DLGAP3: variants seen among roughly 807,000 people sequenced by gnomAD.
DLGAP3 encodes the protein DLG associated protein 3, also known as disks large-associated protein 3.
DLGAP3 carries 17 observed loss-of-function variants against 81.2 expected under a neutral mutation model. The observed-to-expected ratio is 0.21, with a 90% CI of 0.14 to 0.31. The LOEUF is 0.31. DLGAP3 is among the 10% of genes least tolerant of loss of function. DLGAP3 has a pLI of 1.00. For synonymous variants in DLGAP3, 577 were observed against 587.4 expected (o/e 0.98, Z 0.26); for missense variants, 1,124 against 1,388.0 (o/e 0.81, Z 3.02).
chr1:34,880,324 T>A (rs1430485506), intron 8 of DLGAP3, among the ~76,000 whole-genome samples: 5 of 152,200 alleles, frequency 3.3e-5, no homozygotes, highest in African/African-American at 1.2e-4. Flanking sequence ...GTACTGGGAC[T>A]ATAGGTATGA....
rs534168622 is a variant in DLGAP3 at position 34,911,627 on chromosome 1, T to C, written c.-134-4190A>G. On this transcript the variant is annotated intron_variant, in intron 1 of 11. Transcript: ENST00000373347. Reference sequence around the variant, plus strand: ...TCTTCTCTGATGCAGCTCGAATCTATCTGGGAATGGAAGAAGTGGCACAGA... The same window carrying C: ...TCTTCTCTGATGCAGCTCGAATCTACCTGGGAATGGAAGAAGTGGCACAGA... 3.3e-5 allele frequency among the ~76,000 whole-genome samples: 5 copies of C among 152,260 alleles called. No individual in the cohort carries two copies. The East Asian group carries it at 5.8e-4, about 18-fold the overall frequency.
At chr1:34,906,110 AT>A (rs1639552090) in intron 2 of DLGAP3, among the ~76,000 whole-genome samples, 1 of 146,254 alleles carries the variant, frequency 6.8e-6, no homozygotes, top group Non-Finnish European at 1.5e-5. Context: ...ACACATAGAA[AT>A]ATTTTTATAT....
intron 1 of DLGAP3, among the ~76,000 whole-genome samples, chr1:34,909,693 T>A (rs954074405): frequency 1.3e-5 from 2 of 152,140 alleles, no homozygotes; most frequent in African/African-American, 4.8e-5. Context: ...CTATATATTA[T>A]GCTTTATGAT....
In DLGAP3 at chr1:34,899,087, C is replaced by CT. The variant is rs58075518; in HGVS notation, c.1386+581dup. Among the ~76,000 whole-genome samples the CT allele has an allele frequency of 4.3e-3, 605 of 142,092 alleles. 2 individuals carry two copies. Among genetic ancestry groups the CT allele is most frequent in the African/African-American group, 0.013 (483 of 37,640 alleles). The allele number at this position is 142,092 out of a possible 152,430, so 93.2% of individuals were successfully genotyped here. On this transcript the variant is annotated intron_variant, in intron 5 of 11. Coordinates refer to ENST00000373347, the MANE Select transcript of DLGAP3 (RefSeq NM_001080418.3). ...GCCCTGTCTGTACAAATCAATTCTA[C>CT]TTTTTTTTTTTTTTTTTTTTAAGAC... is the stretch of plus-strand genomic sequence containing the variant.
chr1:34,913,603 C>A (rs1023012540), intron 1 of DLGAP3, among the ~76,000 whole-genome samples: 1 of 152,174 alleles, frequency 6.6e-6, no homozygotes, highest in Non-Finnish European at 1.5e-5. Context: ...TATAGTATGT[C>A]TCCCCATAGT....
chr1:34,899,371 C>T lies in DLGAP3; in HGVS notation c.1386+298G>A, dbSNP rs1569636277. On this transcript the variant is annotated intron_variant, in intron 5 of 11. Coordinates refer to ENST00000373347, the MANE Select transcript of DLGAP3 (RefSeq NM_001080418.3). ...GCGAGAGCCACTGCACCCGGCCAAT[C>T]CTACCTTTTACATGGGGGCAAGGAG... Among the ~76,000 whole-genome samples, 3 of 152,192 alleles carry T rather than the reference C, an allele frequency of 2.0e-5. No homozygotes were observed. The East Asian group carries it at 5.8e-4, about 29-fold the overall frequency.
At chr1:34,927,539 G>T (rs561790342) in intron 1 of DLGAP3, among the ~76,000 whole-genome samples, 5 of 152,208 alleles carry the variant, frequency 3.3e-5, no homozygotes, top group Admixed American at 6.5e-5. Context: ...GTGGGGCAGT[G>T]GCGGGTGGGA....
At chr1:34,897,997 G>A (rs1639403036) in intron 5 of DLGAP3, among the ~76,000 whole-genome samples, 1 of 152,220 alleles carries the variant, frequency 6.6e-6, no homozygotes, top group Admixed American at 6.5e-5. Context: ...GGCAGCCAGG[G>A]GCGGGAGGGG....
chr1:34,891,614 T>A (rs1390439261), intron 5 of DLGAP3, among the ~76,000 whole-genome samples: 2 of 152,060 alleles, frequency 1.3e-5, no homozygotes, highest in East Asian at 3.9e-4. Flanking sequence ...AATAAAAGAG[T>A]CTGGTGAAGA....
At chr1:34,881,311 C>T (rs914716657) in intron 8 of DLGAP3, among the ~76,000 whole-genome samples, 17 of 152,322 alleles carry the variant, frequency 1.1e-4, no homozygotes, top group African/African-American at 4.1e-4. Flanking sequence ...GTAGTTTACA[C>T]CCTCCACATT....
chr1:34,900,831 T>C lies in DLGAP3; in HGVS notation c.1108-558A>G, dbSNP rs1322685064. Among the ~76,000 whole-genome samples the C allele has an allele frequency of 6.6e-6, 1 of 152,064 alleles. No individual in the cohort carries two copies. The highest frequency in any genetic ancestry group is 1.9e-4 in the East Asian group (1 of 5,180). On this transcript the variant is annotated intron_variant, in intron 3 of 11. Transcript: ENST00000373347. The surrounding 1 kb of genome is among the most constrained non-coding windows in gnomAD (Gnocchi z 5.6). ...AGAGGACGACCAATTAGGAGGCTGA[T>C]GCTGTTATCCAGGCAAGAGATGATG...
Position 34,881,933 on chromosome 1 carries a change from A to T in DLGAP3, c.2000+3045T>A, listed in dbSNP as rs150342055. Among the ~76,000 whole-genome samples, 778 of 152,368 alleles carry T rather than the reference A, an allele frequency of 5.1e-3. 9 individuals carry two copies. The highest frequency in any genetic ancestry group is 0.018 in the African/African-American group (745 of 41,584). On this transcript the variant is annotated intron_variant, in intron 8 of 11. Coordinates refer to ENST00000373347, the MANE Select transcript of DLGAP3 (RefSeq NM_001080418.3). ...TGGTATCCATCAAAATTTGTAGCAA[A>T]CATCATCTTGAAAAACATAGCCACT...
chr1:34,923,504 C>A (rs1639825744), intron 1 of DLGAP3, among the ~76,000 whole-genome samples: 1 of 152,054 alleles, frequency 6.6e-6, no homozygotes, highest in Middle Eastern at 3.2e-3. Flanking sequence ...AACAGTGGAT[C>A]AGGAAGAGCA....
chr1:34,892,653 G>C (rs1297671111), intron 5 of DLGAP3, among the ~76,000 whole-genome samples: 1 of 151,672 alleles, frequency 6.6e-6, no homozygotes, highest in Non-Finnish European at 1.5e-5. Flanking sequence ...AAGTGGCTAG[G>C]GCTACAGGTG....
intron 5 of DLGAP3, among the ~76,000 whole-genome samples, chr1:34,890,611 A>G (rs1277188360): frequency 6.6e-6 from 1 of 152,230 alleles, no homozygotes; most frequent in Non-Finnish European, 1.5e-5. Flanking sequence ...TGCTGTGAGT[A>G]GCCCTGTAGT....
At chr1:34,908,002 G>A (rs185566496) in intron 1 of DLGAP3, among the ~76,000 whole-genome samples, 2 of 152,280 alleles carry the variant, frequency 1.3e-5, no homozygotes, top group Admixed American at 6.5e-5. Flanking sequence ...AAGACTTTCT[G>A]TGCTCTTATT....
intron 6 of DLGAP3, 113 bp downstream of exon 6, chr1:34,885,959 C>G: frequency 8.1e-7 from 1 of 1,239,248 alleles, no homozygotes; most frequent in Non-Finnish European, 1.1e-6. Flanking sequence ...GTCATCCGAC[C>G]CCGGGAGCGA....
At chr1:34,924,874 C>A (rs1639845574) in intron 1 of DLGAP3, among the ~76,000 whole-genome samples, 2 of 152,202 alleles carry the variant, frequency 1.3e-5, no homozygotes, top group Non-Finnish European at 2.9e-5. Flanking sequence ...ATATTTCCAT[C>A]CATGCCCTTG....
At chr1:34,912,547 C>CT (rs1277754585) in intron 1 of DLGAP3, among the ~76,000 whole-genome samples, 1 of 152,192 alleles carries the variant, frequency 6.6e-6, no homozygotes, top group African/African-American at 2.4e-5. Flanking sequence ...AAGGTCAGCC[C>CT]TATCCAATCC....
Sources: gnomAD v4.1 joint callset for allele counts (sites outside exome capture counted in the v4.1 genomes callset) on GRCh38, gnomAD v4.1.1 for gene constraint, Gnocchi (gnomAD v3.1) non-coding constraint, MANE v1.5 for transcripts, NCBI Gene and HGNC (gene_info 2026-07-23, HGNC 2026-07-21) for gene names.